The following REDIC1 variants were observed in gnomAD, a reference collection of about 807,000 sequenced individuals.
REDIC1 encodes HEI10 Interacting Protein 1.
the REDIC1 span, chr12:39,683,622 C>T: frequency 1.6e-6 from 1 of 634,774 alleles, no homozygotes; most frequent in Non-Finnish European, 2.7e-6. Context: ...GGAGCCTTAC[C>T]AGGAGTCACA....
At chr12:39,706,233 G>A in the REDIC1 span, among the ~76,000 whole-genome samples, 2 of 151,766 alleles carry the variant, frequency 1.3e-5, no homozygotes, top group Non-Finnish European at 2.9e-5. Flanking sequence ...ATAAAGTTAA[G>A]TACCTAGGAA....
chr12:39,854,241 GATA>G, the REDIC1 span, among the ~76,000 whole-genome samples: 32 of 151,808 alleles, frequency 2.1e-4, no homozygotes, highest in Non-Finnish European at 4.3e-4. Flanking sequence ...TGTAAAATTG[GATA>G]ATAATAATAA....
the REDIC1 span, among the ~76,000 whole-genome samples, chr12:39,803,493 T>A: frequency 6.6e-6 from 1 of 152,098 alleles, no homozygotes; most frequent in African/African-American, 2.4e-5. Flanking sequence ...AAAAAATAGC[T>A]ACTGTAAAAA....
chr12:39,669,116 T>G, the REDIC1 span, among the ~76,000 whole-genome samples: 1 of 152,130 alleles, frequency 6.6e-6, no homozygotes, highest in Non-Finnish European at 1.5e-5. Context: ...TCCTTTAGAG[T>G]AGGAGAGACG....
chr12:39,776,385 A>C, the REDIC1 span, among the ~76,000 whole-genome samples: 2 of 152,234 alleles, frequency 1.3e-5, no homozygotes, highest in Admixed American at 6.5e-5. Flanking sequence ...CTGCCTGGCC[A>C]TAACTATGTG....
At chr12:39,706,685 A>T in the REDIC1 span, among the ~76,000 whole-genome samples, 1 of 151,944 alleles carries the variant, frequency 6.6e-6, no homozygotes, top group Non-Finnish European at 1.5e-5. Context: ...CAGAATAGAG[A>T]ACCCAGAAAC....
At chr12:39,777,671 C>A in the REDIC1 span, among the ~76,000 whole-genome samples, 2 of 152,138 alleles carry the variant, frequency 1.3e-5, no homozygotes, top group African/African-American at 4.8e-5. Flanking sequence ...TCGAGAGAAG[C>A]ACATCAATGG....
At chr12:39,803,290 T>C in the REDIC1 span, among the ~76,000 whole-genome samples, 2 of 141,004 alleles carry the variant, frequency 1.4e-5, no homozygotes, top group South Asian at 2.2e-4. Context: ...GTGATGAAAA[T>C]AGACTTATAT....
At chr12:39,699,374 A>G in the REDIC1 span, among the ~76,000 whole-genome samples, 1 of 152,180 alleles carries the variant, frequency 6.6e-6, no homozygotes, top group African/African-American at 2.4e-5. Context: ...CTCCCATCCG[A>G]ATACTGCGCT....
At chr12:39,643,002 T>G in the REDIC1 span, among the ~76,000 whole-genome samples, 25 of 151,812 alleles carry the variant, frequency 1.6e-4, no homozygotes, top group African/African-American at 5.8e-4. Flanking sequence ...TTTGCCATCT[T>G]GGCTTTTTCT....
At chr12:39,892,907 T>A in the REDIC1 span, among the ~76,000 whole-genome samples, 1 of 152,180 alleles carries the variant, frequency 6.6e-6, no homozygotes, top group Non-Finnish European at 1.5e-5. Flanking sequence ...AACACTGTCA[T>A]GTTAGCAAAG....
At chr12:39,719,903 G>A in the REDIC1 span, among the ~76,000 whole-genome samples, 16 of 151,986 alleles carry the variant, frequency 1.1e-4, no homozygotes, top group Admixed American at 2.6e-4. Flanking sequence ...ATTTTAAGAC[G>A]TATCTACTAG....
the REDIC1 span, among the ~76,000 whole-genome samples, chr12:39,701,596 A>T: frequency 1.3e-5 from 2 of 152,128 alleles, no homozygotes; most frequent in Non-Finnish European, 2.9e-5. Flanking sequence ...GACCTAATAG[A>T]CATCTACAGA....
At chr12:39,811,026 G>T in the REDIC1 span, among the ~76,000 whole-genome samples, 3 of 152,014 alleles carry the variant, frequency 2.0e-5, no homozygotes, top group Non-Finnish European at 4.4e-5. Flanking sequence ...TAAATATCTG[G>T]TTTAATTCAC....
the REDIC1 span, chr12:39,692,252 G>T: frequency 2.1e-5 from 16 of 771,802 alleles, no homozygotes; most frequent in Admixed American, 1.6e-4. Flanking sequence ...TAATGCAATT[G>T]ACTCGTTAAA....
the REDIC1 span, chr12:39,644,044 C>G: frequency 1.4e-6 from 1 of 721,694 alleles, no homozygotes; most frequent in Non-Finnish European, 2.2e-6. Context: ...TGGTTGCTCT[C>G]TTAAATTAGA....
At chr12:39,788,158 C>T in the REDIC1 span, among the ~76,000 whole-genome samples, 2 of 152,062 alleles carry the variant, frequency 1.3e-5, no homozygotes, top group East Asian at 1.9e-4. Context: ...TTCCAAGATC[C>T]TCATACCTAG....
At chr12:39,889,460 A>G in the REDIC1 span, among the ~76,000 whole-genome samples, 1 of 151,970 alleles carries the variant, frequency 6.6e-6, no homozygotes, top group African/African-American at 2.4e-5. Context: ...GAATATTTGC[A>G]AGGTAGTCAT....
At chr12:39,851,484 G>C in the REDIC1 span, among the ~76,000 whole-genome samples, 1 of 152,254 alleles carries the variant, frequency 6.6e-6, no homozygotes, top group East Asian at 1.9e-4. Context: ...GTAAAGGTTA[G>C]TGATTTTATT....
Sources: gnomAD v4.1 joint callset for allele counts (sites outside exome capture counted in the v4.1 genomes callset) on GRCh38, gnomAD v4.1.1 for gene constraint, MANE v1.5 for transcripts, NCBI Gene and HGNC (gene_info 2026-07-23, HGNC 2026-07-21) for gene names.